Variants in PIGX observed in about 807,000 individuals in gnomAD.
PIGX encodes the protein GPI alpha-1,4-mannosyltransferase I, stabilizing subunit.
PIGX carries 24 observed loss-of-function variants against 28.7 expected under a neutral mutation model. The observed-to-expected ratio is 0.84, with a 90% CI of 0.60 to 1.17. PIGX has a LOEUF of 1.17. PIGX is among the 50% of genes most tolerant of loss of function. The pLI is 0.00. For missense variants in PIGX, 305 were observed against 317.8 expected (o/e 0.96, Z 0.31); for synonymous variants, 127 against 121.0 (o/e 1.05, Z -0.33).
chr3:196,733,420 T>C lies in PIGX; in HGVS notation c.634-339T>C, dbSNP rs1356265350. On this transcript the variant is annotated intron_variant, in intron 5 of 5. Coordinates refer to ENST00000392391, the MANE Select transcript of PIGX (RefSeq NM_017861.4). The surrounding 1 kb of genome is among the most constrained non-coding windows in gnomAD (Gnocchi z 4.3). ...ATTTTACTATTTTTATTTATTTATT[T>C]ATTTATTTGAGACAGAGTCTTCCTC... 1.3e-5 allele frequency among the ~76,000 whole-genome samples: 2 copies of C among 152,112 alleles called. No homozygotes were observed. The highest frequency in any genetic ancestry group is 2.4e-5 in the African/African-American group (1 of 41,406).
intron 4 of PIGX, chr3:196,728,464 T>C: frequency 1.7e-6 from 1 of 594,584 alleles, no homozygotes; most frequent in Non-Finnish European, 3.0e-6. Context: ...TCTTTATATG[T>C]TTATCATCCA....
chr3:196,733,814 T>C lies in PIGX; in HGVS notation c.689T>C (p.Leu230Pro). 6.5e-7 allele frequency: 1 copy of C among 1,547,854 alleles called. No individual in the cohort carries two copies. Among genetic ancestry groups the C allele is most frequent in the Non-Finnish European group, 8.9e-7 (1 of 1,119,348 alleles). ...GTGGGACTGACTGTACATACCTCTC[T>C]AGTATGTTCTGTGACTCTGCTCATT... The change falls in exon 6 of 6, where the codon CTA (leucine) becomes CCA (proline). Residue 230 changes from leucine to proline, a missense_variant. Transcript: ENST00000392391. This position sits in a 1 kb window ranked among gnomAD's most constrained non-coding sequence, Gnocchi z 4.3.
At chr3:196,723,544 C>A (rs1567766) in intron 3 of PIGX, among the ~76,000 whole-genome samples, 1 of 151,486 alleles carries the variant, frequency 6.6e-6, no homozygotes, top group Non-Finnish European at 1.5e-5. Context: ...AGAGTATTGC[C>A]TTCCAGGGAA....
At chr3:196,730,368 G>A (rs966425681) in intron 4 of PIGX, among the ~76,000 whole-genome samples, 2 of 152,032 alleles carry the variant, frequency 1.3e-5, no homozygotes, top group African/African-American at 2.4e-5. Context: ...CTTACGATAT[G>A]TTCACTTTTC....
chr3:196,712,697 G>T, intron 1 of PIGX, 53 bp downstream of exon 1: 1 of 1,162,234 alleles, frequency 8.6e-7, no homozygotes, highest in Non-Finnish European at 1.1e-6. Context: ...CCCGGCTCCC[G>T]GGCCTCTCGG....
chr3:196,735,648 T>G lies in PIGX; in HGVS notation c.*1746T>G, dbSNP rs980205786. 6.6e-6 allele frequency: 1 copy of G among 152,252 alleles called. No homozygotes were observed. Among genetic ancestry groups the G allele is most frequent in the Admixed American group, 6.5e-5 (1 of 15,286 alleles). 9.4% of individuals were successfully genotyped at this position (152,252 alleles called of 1,614,324 possible). ...AACCCAGTATAGTTTCATACCTATT[T>G]CATGCTTTCTCGTAAGAAAGAATTT... On this transcript the variant is annotated 3_prime_UTR_variant, in exon 6 of 6. Coordinates refer to ENST00000392391, the MANE Select transcript of PIGX (RefSeq NM_017861.4).
chr3:196,727,859 T>C (rs1381496588), intron 3 of PIGX, 64 bp from the exon 4 acceptor site: 1 of 1,214,894 alleles, frequency 8.2e-7, no homozygotes, highest in Admixed American at 1.9e-5. Flanking sequence ...CTTCTGGTTT[T>C]AACTTTTTAA....
chr3:196,714,084 T>C (rs889919173), intron 1 of PIGX, among the ~76,000 whole-genome samples: 6 of 152,336 alleles, frequency 3.9e-5, no homozygotes, highest in African/African-American at 1.4e-4. Context: ...AGCCTGTTCA[T>C]AATTTTTCTT....
chr3:196,719,555 A>G (rs901371501), intron 2 of PIGX, among the ~76,000 whole-genome samples: 12 of 152,160 alleles, frequency 7.9e-5, no homozygotes, highest in African/African-American at 2.4e-4. Context: ...ACAACCTGCA[A>G]TCGTTACCTA....
intron 3 of PIGX, 42 bp from the exon 4 acceptor site, chr3:196,727,881 A>C: frequency 2.3e-6 from 3 of 1,307,828 alleles, no homozygotes; most frequent in Non-Finnish European, 2.2e-6. Context: ...AATCTTCCTC[A>C]TTCATTTCTT....
intron 2 of PIGX, among the ~76,000 whole-genome samples, chr3:196,719,651 G>C (rs185554867): frequency 6.6e-6 from 1 of 152,104 alleles, no homozygotes; most frequent in Admixed American, 6.5e-5. Flanking sequence ...TTTCTATGCT[G>C]TTGTTATCAC....
chr3:196,717,484 G>C (rs1482622094), intron 2 of PIGX, among the ~76,000 whole-genome samples: 1 of 151,992 alleles, frequency 6.6e-6, no homozygotes, highest in Non-Finnish European at 1.5e-5. Context: ...CTCCCCTGAG[G>C]ACACCAAAGT....
rs1421915178 is a variant in PIGX, at chr3:196,734,947, T to A, written c.*1045T>A. ...TTTTAAACAAAGGTTCTTCATTTAC[T>A]GTTATGATTGGAAAAAAATTAGAAA... is the stretch of plus-strand genomic sequence containing the variant. On this transcript the variant is annotated 3_prime_UTR_variant, in exon 6 of 6. Transcript: ENST00000392391. 6.6e-6 allele frequency: 1 copy of A among 152,056 alleles called. No homozygotes were observed. Among genetic ancestry groups the A allele is most frequent in the Non-Finnish European group, 1.5e-5 (1 of 68,020 alleles). 9.4% of individuals were successfully genotyped at this position (152,056 alleles called of 1,614,324 possible). A position where few individuals can be genotyped will look rare whatever the true frequency, so the allele number is the denominator to read the frequency against.
intron 4 of PIGX, 106 bp downstream of exon 4, chr3:196,728,242 G>A (rs1712604640): frequency 1.3e-6 from 1 of 779,682 alleles, no homozygotes; most frequent in South Asian, 1.6e-5. Context: ...TCTTGACCTA[G>A]GTGGTAGTTA....
chr3:196,724,678 T>G (rs903328648), intron 3 of PIGX, among the ~76,000 whole-genome samples: 1 of 152,224 alleles, frequency 6.6e-6, no homozygotes. Flanking sequence ...GTGTATTTAC[T>G]TCTTTATTTT....
chr3:196,733,770 T>C lies in PIGX; in HGVS notation c.645T>C (p.Asn215=), dbSNP rs767731347. The C allele has an allele frequency of 6.3e-7, 1 of 1,594,536 alleles. No homozygotes were observed. The highest frequency in any genetic ancestry group is 1.7e-5 in the Admixed American group (1 of 59,984). ...CTCTCTCTCCATAGGTATATAAGAA[T>C]GTGATTCTACAAGTTCCAGTGGGAC... is the stretch of plus-strand genomic sequence containing the variant. The change falls in exon 6 of 6, where the codon AAT becomes AAC. Residue 215 remains asparagine, a synonymous_variant. Transcript: ENST00000392391. This position sits in a 1 kb window ranked among gnomAD's most constrained non-coding sequence, Gnocchi z 4.3.
chr3:196,728,473 C>A, intron 4 of PIGX: 1 of 595,932 alleles, frequency 1.7e-6, no homozygotes, highest in Non-Finnish European at 3.0e-6. Flanking sequence ...GTTTATCATC[C>A]AGATGGGCAT....
At chr3:196,722,051 C>T (rs1002494449) in intron 2 of PIGX, among the ~76,000 whole-genome samples, 23 of 152,216 alleles carry the variant, frequency 1.5e-4, no homozygotes, top group Non-Finnish European at 3.2e-4. Flanking sequence ...CATGCCTGCC[C>T]TCTGGCCTGT....
chr3:196,722,761 A>G (rs572414520), intron 3 of PIGX, among the ~76,000 whole-genome samples: 47 of 152,352 alleles, frequency 3.1e-4, no homozygotes, highest in Admixed American at 1.2e-3. Flanking sequence ...ATGCTTTTTA[A>G]GGTGGTTCAT....
Sources: gnomAD v4.1 joint callset for allele counts (sites outside exome capture counted in the v4.1 genomes callset) on GRCh38, gnomAD v4.1.1 for gene constraint, Gnocchi (gnomAD v3.1) non-coding constraint, MANE v1.5 for transcripts, NCBI Gene and HGNC (gene_info 2026-07-23, HGNC 2026-07-21) for gene names.